Variants in MED13L observed in about 807,000 individuals in gnomAD.
MED13L encodes mediator complex subunit 13L.
MED13L carries 7 observed loss-of-function variants against 220.9 expected under a neutral mutation model. The ratio of observed to expected loss-of-function variants is 0.03; its 90% CI spans 0.02 to 0.06. MED13L has a LOEUF of 0.06. Ranked by LOEUF, MED13L falls within the 10% of genes least tolerant of loss-of-function variation. The pLI, the probability that MED13L is intolerant of heterozygous loss-of-function variation, is 1.00. For synonymous variants in MED13L, 1,011 were observed against 1,015.2 expected, an observed-to-expected ratio of 1.00 and a Z score of 0.08; for missense variants, 1,965 against 2,760.5, an observed-to-expected ratio of 0.71 and a Z score of 6.46.
intron 1 of MED13L, among the ~76,000 whole-genome samples, chr12:116,263,899 C>T (rs1488435817): frequency 2.0e-5 from 3 of 152,272 alleles, no homozygotes; most frequent in South Asian, 4.1e-4. Context: ...CTAAACCCAC[C>T]TCCACTGAAG....
rs113804549 is a variant in MED13L, at chr12:116,009,110, C to T, written c.1303G>A (p.Ala435Thr). 1 of 1,614,004 alleles carries T rather than the reference C, an allele frequency of 6.2e-7. No homozygotes were observed. Among genetic ancestry groups the T allele is most frequent in the Non-Finnish European group, 8.5e-7 (1 of 1,179,970 alleles). The stretch of plus-strand genomic sequence containing the variant: ...GTGGGAGGTCGATTGGGCCCGACTG[C>T]ACAACGTTTTAAAAGCTTATGCCTA... ...CSRHKLLKRC[A>T]VGPNRPPTVS... Residue 435 changes from alanine (A) to threonine (T), a missense_variant, in exon 10 of 31, where the codon GCA becomes ACA. This residue lies in a region of MED13L where 818 missense variants were observed against 1,041.2 expected (regional missense o/e 0.79). Coordinates refer to ENST00000281928, the MANE Select transcript of MED13L (RefSeq NM_015335.5).
intron 2 of MED13L, among the ~76,000 whole-genome samples, chr12:116,203,828 C>A (rs1054603390): frequency 1.3e-5 from 2 of 151,812 alleles, no homozygotes; most frequent in Non-Finnish European, 2.9e-5. Context: ...CTCAAAAAAA[C>A]ACAAAAAGAA....
At chr12:116,048,844 T>A (rs758971858) in intron 4 of MED13L, among the ~76,000 whole-genome samples, 1 of 152,224 alleles carries the variant, frequency 6.6e-6, no homozygotes, top group Non-Finnish European at 1.5e-5. Context: ...TTTTTAATAT[T>A]ACTTTAAGGA....
chr12:115,983,567 C>T, intron 20 of MED13L, 27 bp from the exon 21 acceptor site: 1 of 1,612,644 alleles, frequency 6.2e-7, no homozygotes, highest in Non-Finnish European at 8.5e-7. Flanking sequence ...AAAGAGGTGA[C>T]TTTAGTGATA....
chr12:116,031,730 GA>G lies in MED13L; in HGVS notation c.480-9130del, dbSNP rs1566020654. 4.7e-3 allele frequency among the ~76,000 whole-genome samples: 309 copies of G among 65,410 alleles called. 16 individuals carry two copies. Among genetic ancestry groups the G allele is most frequent in the African/African-American group, 8.7e-3 (110 of 12,700 alleles). 42.9% of individuals were successfully genotyped at this position (65,410 alleles called of 152,430 possible). A position where few individuals can be genotyped will look rare whatever the true frequency, so the allele number is the denominator to read the frequency against. The stretch of plus-strand genomic sequence containing the variant: ...GAAAAGAAAAGAAAAGAAAAGAAAA[GA>G]AAAGAAAAGAAAAGAAAAGAAAAGA... On this transcript the variant is annotated intron_variant, in intron 4 of 30. Coordinates refer to ENST00000281928, the MANE Select transcript of MED13L (RefSeq NM_015335.5).
In MED13L at chr12:116,019,357, G is replaced by A; in HGVS notation, c.876C>T (p.Ile292=). 1.2e-6 allele frequency: 2 copies of A among 1,614,020 alleles called. No homozygotes were observed. The highest frequency in any genetic ancestry group is 1.1e-5 in the South Asian group (1 of 91,086). ...CACTGGCAACACTCTGAGGAACCGG[G>A]ATGTCATTCTGAGAGATCAAAACAA... The part of the protein sequence containing the change: ...SAFVLISQND[I]PVPQSVASAG... Residue 292 remains isoleucine (I), a synonymous_variant, in exon 7 of 31, where the codon ATC becomes ATT. Coordinates refer to ENST00000281928, the MANE Select transcript of MED13L (RefSeq NM_015335.5).
intron 23 of MED13L, among the ~76,000 whole-genome samples, chr12:115,978,666 A>C (rs1220940964): frequency 2.0e-5 from 3 of 152,168 alleles, no homozygotes; most frequent in Non-Finnish European, 4.4e-5. Flanking sequence ...GTGATATGTG[A>C]ATTGTATCTC....
intron 2 of MED13L, among the ~76,000 whole-genome samples, chr12:116,164,446 G>C (rs965555943): frequency 6.6e-6 from 1 of 152,114 alleles, no homozygotes; most frequent in Non-Finnish European, 1.5e-5. Flanking sequence ...AACACATTTT[G>C]TTTATTTATT....
rs201356712 is a variant in MED13L at position 115,975,702 on chromosome 12, T to C, written c.5401A>G (p.Ile1801Val). 3 of 1,613,688 alleles carry C rather than the reference T, an allele frequency of 1.9e-6. No individual in the cohort carries two copies. In the African/African-American group the frequency reaches 4.0e-5, roughly 22 times the overall value. ...SPIQLYSPPF[I>V]LAPIKDKQTE... Reference sequence around the variant, plus strand: ...TGCTTGTCTTTGATTGGGGCCAATATAAAGGGAGGGGAGTAAAGCTGGATT... The same window carrying C: ...TGCTTGTCTTTGATTGGGGCCAATACAAAGGGAGGGGAGTAAAGCTGGATT... The change falls in exon 24 of 31, where the codon ATA (isoleucine) becomes GTA (valine). Residue 1801 changes from isoleucine to valine, a missense_variant. This residue lies in a region of MED13L where 510 missense variants were observed against 620.4 expected (regional missense o/e 0.82). Coordinates refer to ENST00000281928, the MANE Select transcript of MED13L (RefSeq NM_015335.5).
intron 2 of MED13L, among the ~76,000 whole-genome samples, chr12:116,172,954 A>G (rs1387967041): frequency 6.6e-6 from 1 of 151,066 alleles, no homozygotes; most frequent in Non-Finnish European, 1.5e-5. Flanking sequence ...AACAAGTACT[A>G]TTCCGTGCTA....
At chr12:116,110,383 AAAT>A (rs1310750501) in intron 3 of MED13L, 1 of 151,488 alleles carries the variant, frequency 6.6e-6, no homozygotes, top group Non-Finnish European at 1.5e-5. Flanking sequence ...ATAAATAAAT[AAAT>A]AAGGAAATAA....
intron 1 of MED13L, among the ~76,000 whole-genome samples, chr12:116,264,889 A>G (rs899561907): frequency 6.6e-6 from 1 of 152,142 alleles, no homozygotes; most frequent in African/African-American, 2.4e-5. Flanking sequence ...GCTACTCCAG[A>G]GGCTGAGGCA....
At position 116,197,623 on chromosome 12, in the gene MED13L, G is replaced by A. The variant is rs185642455; in HGVS notation, c.310+39845C>T. On this transcript the variant is annotated intron_variant, in intron 2 of 30. Coordinates refer to ENST00000281928, the MANE Select transcript of MED13L (RefSeq NM_015335.5). ...CTCTACTAAAAATACAAAATTAGCC[G>A]GACATGGTGGCGCATGCCTATAATT... Among the ~76,000 whole-genome samples the A allele has an allele frequency of 3.6e-3, 554 of 152,030 alleles. 19 individuals carry two copies. Among genetic ancestry groups the A allele is most frequent in the Non-Finnish European group, 3.8e-4 (26 of 67,984 alleles).
chr12:116,237,050 A>T (rs1162415870), intron 2 of MED13L, among the ~76,000 whole-genome samples: 1 of 152,142 alleles, frequency 6.6e-6, no homozygotes, highest in Non-Finnish European at 1.5e-5. Context: ...TTTCTGTATC[A>T]CTCTCCAATT....
chr12:116,264,428 G>A (rs1038728221), intron 1 of MED13L, among the ~76,000 whole-genome samples: 3 of 152,136 alleles, frequency 2.0e-5, no homozygotes, highest in Non-Finnish European at 4.4e-5. Flanking sequence ...AATGATTGCT[G>A]CAATCAACTA....
intron 4 of MED13L, among the ~76,000 whole-genome samples, chr12:116,062,414 T>C (rs1342673607): frequency 2.0e-5 from 3 of 151,734 alleles, no homozygotes; most frequent in African/African-American, 7.3e-5. Context: ...TCAACCTCCC[T>C]CTATTGGTTT....
At chr12:116,044,287 T>C (rs1881704130) in intron 4 of MED13L, among the ~76,000 whole-genome samples, 3 of 152,224 alleles carry the variant, frequency 2.0e-5, no homozygotes, top group Non-Finnish European at 2.9e-5. Flanking sequence ...CAATTAAGTT[T>C]CTATGTAGAT....
intron 6 of MED13L, 108 bp downstream of exon 6, chr12:116,019,670 T>TAA (rs1360964826): frequency 2.1e-5 from 29 of 1,361,236 alleles, no homozygotes; most frequent in Non-Finnish European, 2.7e-5. Context: ...AGAATTTCTT[T>TAA]AAAAAGATGG....
At position 116,111,640 on chromosome 12, in the gene MED13L, G is replaced by C. The variant is rs1292946517; in HGVS notation, c.311-128C>G. 3 of 708,574 alleles carry C rather than the reference G, an allele frequency of 4.2e-6. No homozygotes were observed. The African/African-American group carries it at 5.4e-5, about 13-fold the overall frequency. The allele number at this position is 708,574 out of a possible 1,614,324, so 43.9% of individuals were successfully genotyped here. A position where few individuals can be genotyped will look rare whatever the true frequency, so the allele number is the denominator to read the frequency against. On this transcript the variant is annotated intron_variant, in intron 2 of 30. Coordinates refer to ENST00000281928, the MANE Select transcript of MED13L (RefSeq NM_015335.5). ...ATTTAAATGACTTAAATAATCTCAC[G>C]CTGAAACAGAGAGTGGAATTTAAGT...
Sources: gnomAD v4.1 joint callset for allele counts (sites outside exome capture counted in the v4.1 genomes callset) on GRCh38, gnomAD v4.1.1 for gene constraint, gnomAD v4.1.1 regional missense constraint, MANE v1.5 for transcripts, NCBI Gene and HGNC (gene_info 2026-07-23, HGNC 2026-07-21) for gene names.